Variants in MMP20 observed in about 807,000 individuals in gnomAD.
The protein encoded by MMP20 is matrix metalloproteinase-20.
MMP20 carries 50 observed loss-of-function variants against 51.8 expected under a neutral mutation model. That is an observed-to-expected ratio of 0.97 (90% CI 0.77 to 1.22). MMP20 has a LOEUF of 1.22. MMP20 is among the 50% of genes most tolerant of loss of function. The pLI, the probability that MMP20 is intolerant of heterozygous loss-of-function variation, is 0.00. For synonymous variants in MMP20, 244 were observed against 216.2 expected (o/e 1.13, Z -1.13); for missense variants, 663 against 601.4 (o/e 1.10, Z -1.07).
At position 102,615,176 on chromosome 11, in the gene MMP20, A is replaced by AAT. The variant is rs546212610; in HGVS notation, c.374+1634_374+1635dup. Among the ~76,000 whole-genome samples the AAT allele has an allele frequency of 6.8e-3, 1,002 of 146,710 alleles. 16 individuals carry two copies. Among genetic ancestry groups the AAT allele is most frequent in the African/African-American group, 0.024 (955 of 40,548 alleles). ...CGTATTTTATTTATTATTATAAAAT[A>AAT]ATGTTTTAATAATATATTATTAATA... On this transcript the variant is annotated intron_variant, in intron 2 of 9. Coordinates refer to ENST00000260228, the MANE Select transcript of MMP20 (RefSeq NM_004771.4).
At chr11:102,593,037 G>T (rs988131787) in intron 8 of MMP20, among the ~76,000 whole-genome samples, 2 of 152,176 alleles carry the variant, frequency 1.3e-5, no homozygotes, top group African/African-American at 4.8e-5. Context: ...CCATGGTCAG[G>T]ACCATCTCCA....
intron 8 of MMP20, among the ~76,000 whole-genome samples, chr11:102,591,641 G>T (rs759485838): frequency 1.3e-5 from 2 of 152,152 alleles, no homozygotes; most frequent in African/African-American, 4.8e-5. Context: ...TAACATTTTA[G>T]TTAATGCCCT....
chr11:102,602,439 T>A (rs1859460165), intron 6 of MMP20, among the ~76,000 whole-genome samples: 1 of 152,160 alleles, frequency 6.6e-6, no homozygotes, highest in Non-Finnish European at 1.5e-5. Flanking sequence ...CTCCTCTTTG[T>A]GGCTGGTTGC....
chr11:102,620,786 C>G (rs1859740474), intron 1 of MMP20, among the ~76,000 whole-genome samples: 2 of 152,178 alleles, frequency 1.3e-5, no homozygotes, highest in Admixed American at 1.3e-4. Flanking sequence ...GTTCCAGGAT[C>G]AGGTTTGGGG....
intron 2 of MMP20, among the ~76,000 whole-genome samples, chr11:102,612,737 T>C (rs1026411697): frequency 2.6e-5 from 3 of 113,636 alleles, no homozygotes; most frequent in Non-Finnish European, 6.2e-5. Context: ...TTCTTTTCTT[T>C]CTTTTTTTTT....
Position 102,602,051 on chromosome 11 carries a change from G to T in MMP20, c.953+4484C>A, listed in dbSNP as rs550037820. Among the ~76,000 whole-genome samples the T allele has an allele frequency of 2.3e-3, 343 of 146,564 alleles. 5 individuals carry two copies. The highest frequency in any genetic ancestry group is 8.1e-3 in the African/African-American group (321 of 39,568). On this transcript the variant is annotated intron_variant, in intron 6 of 9. Transcript: ENST00000260228. ...TACAAGCTCCGCCTCCCGGGTTCAC[G>T]CCATTCTCCTGCCTCAGCCTCCCGA...
At position 102,595,409 on chromosome 11, in the gene MMP20, A is replaced by AC. The variant is rs377676213; in HGVS notation, c.954-653dup. 2.5e-3 allele frequency among the ~76,000 whole-genome samples: 382 copies of AC among 152,052 alleles called. 1 individual carries two copies. The highest frequency in any genetic ancestry group is 8.6e-3 in the African/African-American group (355 of 41,486). ...AATTATTTACACATTTAAGCTATGC[A>AC]CCCCCCCATTCCAAATATCACTTGA... On this transcript the variant is annotated intron_variant, in intron 6 of 9. Transcript: ENST00000260228.
chr11:102,600,420 T>C (rs1405683939), intron 6 of MMP20, among the ~76,000 whole-genome samples: 1 of 152,244 alleles, frequency 6.6e-6, no homozygotes, highest in Non-Finnish European at 1.5e-5. Flanking sequence ...TCTTTTGTTA[T>C]TAACAAGCTT....
intron 6 of MMP20, among the ~76,000 whole-genome samples, chr11:102,598,566 A>G (rs1226155553): frequency 6.6e-6 from 1 of 152,214 alleles, no homozygotes; most frequent in Non-Finnish European, 1.5e-5. Flanking sequence ...AACAAGTTTC[A>G]TATTCTTTAA....
intron 1 of MMP20, among the ~76,000 whole-genome samples, chr11:102,620,663 T>C (rs1456703053): frequency 6.6e-6 from 1 of 152,220 alleles, no homozygotes; most frequent in African/African-American, 2.4e-5. Flanking sequence ...ATTTTCCTAG[T>C]GTCCTTCCTG....
At chr11:102,612,219 C>T (rs1462548101) in intron 2 of MMP20, among the ~76,000 whole-genome samples, 1 of 152,178 alleles carries the variant, frequency 6.6e-6, no homozygotes, top group African/African-American at 2.4e-5. Context: ...AATCCCAGCA[C>T]TTTGGAAGGC....
rs149881949 is a variant in MMP20 at position 102,602,622 on chromosome 11, A to T, written c.953+3913T>A. 1.9e-3 allele frequency among the ~76,000 whole-genome samples: 295 copies of T among 152,330 alleles called. 3 individuals carry two copies. The highest frequency in any genetic ancestry group is 6.8e-3 in the African/African-American group (281 of 41,578). ...GCTTTCTATATTAGTGCTAGGATAG[A>T]TTCTGGACTGGAGTCAGAAGATCTG... On this transcript the variant is annotated intron_variant, in intron 6 of 9. Coordinates refer to ENST00000260228, the MANE Select transcript of MMP20 (RefSeq NM_004771.4).
intron 9 of MMP20, 126 bp downstream of exon 9, chr11:102,578,913 A>G: frequency 1.4e-6 from 1 of 712,846 alleles, no homozygotes; most frequent in Non-Finnish European, 2.5e-6. Context: ...AACTTATGAA[A>G]GGACCTAAGA....
At chr11:102,603,551 A>G (rs1239814697) in intron 6 of MMP20, among the ~76,000 whole-genome samples, 1 of 152,248 alleles carries the variant, frequency 6.6e-6, no homozygotes, top group Non-Finnish European at 1.5e-5. Flanking sequence ...CAGGCCTCAC[A>G]GGGGAATTGT....
At chr11:102,624,695 C>T (rs567842155) in intron 1 of MMP20, among the ~76,000 whole-genome samples, 1 of 151,960 alleles carries the variant, frequency 6.6e-6, no homozygotes, top group East Asian at 1.9e-4. Context: ...GGGTTGGCAC[C>T]CAGGAAGAAC....
chr11:102,597,056 T>A (rs904826153), intron 6 of MMP20, among the ~76,000 whole-genome samples: 2 of 152,174 alleles, frequency 1.3e-5, no homozygotes, highest in Admixed American at 1.3e-4. Flanking sequence ...AAAGTGTGCA[T>A]TTAAGAATAT....
At chr11:102,582,320 C>T (rs1859206199) in intron 8 of MMP20, among the ~76,000 whole-genome samples, 1 of 152,082 alleles carries the variant, frequency 6.6e-6, no homozygotes, top group Admixed American at 6.6e-5. Context: ...AAATGGGGAA[C>T]TGAGTCAGCT....
Position 102,593,607 on chromosome 11 carries a change from A to T in MMP20, c.1091-12T>A. ...CCAGTAGTGGGGACCTGAAAACAGAAATTAAAGTTTACGAAAACTCTGCAC... is the reference window on the plus strand; with the variant it reads ...CCAGTAGTGGGGACCTGAAAACAGATATTAAAGTTTACGAAAACTCTGCAC... On this transcript the variant is annotated splice_polypyrimidine_tract_variant and intron_variant, in intron 7 of 9. Coordinates refer to ENST00000260228, the MANE Select transcript of MMP20 (RefSeq NM_004771.4). 1.9e-6 allele frequency: 3 copies of T among 1,613,952 alleles called. No homozygotes were observed. Among genetic ancestry groups the T allele is most frequent in the Non-Finnish European group, 2.5e-6 (3 of 1,179,878 alleles).
intron 1 of MMP20, among the ~76,000 whole-genome samples, chr11:102,622,743 C>A (rs1859766518): frequency 1.3e-5 from 2 of 152,224 alleles, no homozygotes; most frequent in Non-Finnish European, 2.9e-5. Flanking sequence ...AGCATAAGAA[C>A]AGGGGCTTGA....
Sources: gnomAD v4.1 joint callset for allele counts (sites outside exome capture counted in the v4.1 genomes callset) on GRCh38, gnomAD v4.1.1 for gene constraint, MANE v1.5 for transcripts, NCBI Gene and HGNC (gene_info 2026-07-23, HGNC 2026-07-21) for gene names.